The following RPS18 variants were observed in gnomAD, a reference collection of about 807,000 sequenced individuals.
The protein encoded by RPS18 is small ribosomal subunit protein uS13.
For synonymous variants in RPS18, 64 were observed against 70.9 expected (o/e 0.90, Z 0.49); for missense variants, 49 against 200.8 (o/e 0.24, Z 4.57).
At position 33,272,662 on chromosome 6, in the gene RPS18, T is replaced by G; in HGVS notation, c.38T>G (p.Leu13Trp). ...LVIPEKFQHI[L>W]RVLNTNIDGR... The stretch of plus-strand genomic sequence containing the variant: ...ATCCCTGAAAAGTTCCAGCATATTT[T>G]GCGAGTACTCAACACCAACATCGAT... Residue 13 changes from leucine (L) to tryptophan (W), a missense_variant, in exon 2 of 6, where the codon TTG becomes TGG. Leu to Trp is a moderately conservative substitution (Grantham distance 61). Coordinates refer to ENST00000439602, the MANE Select transcript of RPS18 (RefSeq NM_022551.3). 1.3e-6 allele frequency: 2 copies of G among 1,584,828 alleles called. No homozygotes were observed. The highest frequency in any genetic ancestry group is 1.7e-6 in the Non-Finnish European group (2 of 1,153,198).
chr6:33,274,166 C>T (rs1448968938), intron 2 of RPS18, among the ~76,000 whole-genome samples: 1 of 152,230 alleles, frequency 6.6e-6, no homozygotes, highest in Non-Finnish European at 1.5e-5. Context: ...GATCCACCCA[C>T]CTCAGCCTCC....
intron 2 of RPS18, among the ~76,000 whole-genome samples, chr6:33,273,173 G>C (rs1380911327): frequency 1.3e-5 from 2 of 152,210 alleles, no homozygotes; most frequent in Non-Finnish European, 2.9e-5. Context: ...GTGTGAAGAA[G>C]CCTGTAGATG....
chr6:33,272,527 T>TGACA, intron 1 of RPS18, 101 bp from the exon 2 acceptor site: 1 of 759,178 alleles, frequency 1.3e-6, no homozygotes. Context: ...GCCACTTGTG[T>TGACA]GACAGGCTTA....
At position 33,276,259 on chromosome 6, in the gene RPS18, C is replaced by T; in HGVS notation, c.375C>T (p.His125=). 6.2e-7 allele frequency: 1 copy of T among 1,613,860 alleles called. No homozygotes were observed. Among genetic ancestry groups the T allele is most frequent in the South Asian group, 1.1e-5 (1 of 91,086 alleles). ...KKIRAHRGLR[H]FWGLRVRGQH... is the part of the protein sequence containing the mutation. Reference sequence around the variant, plus strand: ...TTCGGGCCCATAGAGGGCTGCGTCACTTCTGGGGGTGAGTGGGGGGTCTCA... The same window carrying T: ...TTCGGGCCCATAGAGGGCTGCGTCATTTCTGGGGGTGAGTGGGGGGTCTCA... Residue 125 remains histidine (H), a synonymous_variant, in exon 5 of 6, where the codon CAC becomes CAT. Transcript: ENST00000439602.
chr6:33,272,783 A>C (rs756301143), intron 2 of RPS18, 57 bp downstream of exon 2: 3 of 870,524 alleles, frequency 3.4e-6, no homozygotes, highest in South Asian at 1.3e-5. Context: ...TTGTGAAGAC[A>C]TAAGCAAAAA....
intron 2 of RPS18, among the ~76,000 whole-genome samples, chr6:33,272,977 A>T (rs1765337672): frequency 6.6e-6 from 1 of 152,204 alleles, no homozygotes; most frequent in South Asian, 2.1e-4. Flanking sequence ...GGGAGGAGGT[A>T]TGGTTGCTCA....
Position 33,272,740 on chromosome 6 carries a change from G to C in RPS18, c.102+14G>C. The C allele has an allele frequency of 1.6e-6, 2 of 1,261,212 alleles. No individual in the cohort carries two copies. The highest frequency in any genetic ancestry group is 2.3e-6 in the Non-Finnish European group (2 of 857,376). 78.1% of individuals were successfully genotyped at this position (1,261,212 alleles called of 1,614,324 possible). ...ACTGCCATTAAGGTAAGTGAAGTAG[G>C]GTAAGGAATAGGGAATGTAAATGAG... On this transcript the variant is annotated intron_variant, in intron 2 of 5. Coordinates refer to ENST00000439602, the MANE Select transcript of RPS18 (RefSeq NM_022551.3).
At chr6:33,273,983 A>T (rs1018234302) in intron 2 of RPS18, among the ~76,000 whole-genome samples, 1 of 152,186 alleles carries the variant, frequency 6.6e-6, no homozygotes, top group African/African-American at 2.4e-5. Context: ...CCCGAGACAG[A>T]GTCTCACCCC....
Position 33,276,178 on chromosome 6 carries a change from C to T in RPS18, c.294C>T (p.Val98=), listed in dbSNP as rs1203722024. The change falls in exon 5 of 6, where the codon GTC becomes GTT. Residue 98 remains valine, a splice_region_variant and synonymous_variant. Transcript: ENST00000439602. ...CTTGCCCCCTCCTCTGAATCCAGGT[C>T]CTAGCCAATGGTCTGGACAACAAGC... ...KDVKDGKYSQ[V]LANGLDNKLR... 6 of 1,614,086 alleles carry T rather than the reference C, an allele frequency of 3.7e-6. No individual in the cohort carries two copies. The highest frequency in any genetic ancestry group is 5.1e-6 in the Non-Finnish European group (6 of 1,179,978).
At chr6:33,272,343 C>A (rs1765259619) in intron 1 of RPS18, 2 of 617,462 alleles carry the variant, frequency 3.2e-6, no homozygotes, top group Non-Finnish European at 5.7e-6. Flanking sequence ...AAGGCTTGGG[C>A]GTATATGGGG....
In RPS18 at chr6:33,272,929, G is replaced by A. The variant is rs1765333900; in HGVS notation, c.102+203G>A. On this transcript the variant is annotated intron_variant, in intron 2 of 5. Coordinates refer to ENST00000439602, the MANE Select transcript of RPS18 (RefSeq NM_022551.3). ...ATAAGTGATTAAAGCCAAGATAGTG[G>A]TCTAAGGTCAAGCCAAAACATTTCA... Among the ~76,000 whole-genome samples, 5 of 152,176 alleles carry A rather than the reference G, an allele frequency of 3.3e-5. No homozygotes were observed. In the South Asian group the frequency reaches 1.0e-3, roughly 31 times the overall value.
chr6:33,272,251 C>T (rs1225362697), intron 1 of RPS18, 129 bp downstream of exon 1: 9 of 1,061,374 alleles, frequency 8.5e-6, no homozygotes, highest in African/African-American at 1.6e-5. Flanking sequence ...GGATCGCGTC[C>T]CTGGAAAGGG....
At chr6:33,272,860 G>C in intron 2 of RPS18, 134 bp downstream of exon 2, 1 of 675,856 alleles carries the variant, frequency 1.5e-6, no homozygotes, top group Non-Finnish European at 2.7e-6. Flanking sequence ...AGAAAAGAAA[G>C]TGGTTTAGGG....
chr6:33,275,613 C>T, intron 2 of RPS18, 184 bp from the exon 3 acceptor site: 1 of 633,610 alleles, frequency 1.6e-6, no homozygotes, highest in Non-Finnish European at 2.9e-6. Context: ...GCCACTGCGA[C>T]CGGCCCAAAG....
chr6:33,273,141 T>G (rs1186212705), intron 2 of RPS18, among the ~76,000 whole-genome samples: 1 of 152,128 alleles, frequency 6.6e-6, no homozygotes, highest in Non-Finnish European at 1.5e-5. Flanking sequence ...GAGGGATAAG[T>G]AGAAATACCA....
At chr6:33,272,570 G>A in intron 1 of RPS18, 58 bp from the exon 2 acceptor site, 1 of 828,748 alleles carries the variant, frequency 1.2e-6, no homozygotes. Flanking sequence ...TGCCTTATCG[G>A]CCTTACTGTT....
Position 33,275,783 on chromosome 6 carries a change from C to T in RPS18, c.103-14C>T, listed in dbSNP as rs778338108. The T allele has an allele frequency of 1.3e-5, 21 of 1,566,958 alleles. No individual in the cohort carries two copies. The highest frequency in any genetic ancestry group is 1.8e-5 in the Non-Finnish European group (21 of 1,138,534). On this transcript the variant is annotated splice_polypyrimidine_tract_variant and intron_variant, in intron 2 of 5. Transcript: ENST00000439602. ...AGATTCAACACTAATTCCGAAACCC[C>T]TCACTTCATTCAGGGTGTGGGCCGA...
rs17215231 is a variant in RPS18, at chr6:33,272,092, C to A, written c.-28C>A. Reference sequence around the variant, plus strand: ...CTTCCGCTCTCTCTTCCACAGGAGGCCTACACGCCGCCGCTTGTGCTGCAG... The same window carrying A: ...CTTCCGCTCTCTCTTCCACAGGAGGACTACACGCCGCCGCTTGTGCTGCAG... On this transcript the variant is annotated 5_prime_UTR_variant, in exon 1 of 6. Coordinates refer to ENST00000439602, the MANE Select transcript of RPS18 (RefSeq NM_022551.3). The A allele has an allele frequency of 6.4e-7, 1 of 1,565,304 alleles. No homozygotes were observed. Among genetic ancestry groups the A allele is most frequent in the East Asian group, 2.4e-5 (1 of 42,280 alleles).
Position 33,272,113 on chromosome 6 carries a change from T to G in RPS18, c.-7T>G, listed in dbSNP as rs1249267824. ...GAGGCCTACACGCCGCCGCTTGTGC[T>G]GCAGCCATGGTAAGACTGGAATCCG... On this transcript the variant is annotated 5_prime_UTR_variant, in exon 1 of 6. Coordinates refer to ENST00000439602, the MANE Select transcript of RPS18 (RefSeq NM_022551.3). The G allele has an allele frequency of 9.6e-6, 15 of 1,568,158 alleles. No individual in the cohort carries two copies. Among genetic ancestry groups the G allele is most frequent in the Non-Finnish European group, 1.2e-5 (14 of 1,156,444 alleles).
Sources: gnomAD v4.1 joint callset for allele counts (sites outside exome capture counted in the v4.1 genomes callset) on GRCh38, gnomAD v4.1.1 for gene constraint, MANE v1.5 for transcripts, NCBI Gene and HGNC (gene_info 2026-07-23, HGNC 2026-07-21) for gene names.